The following PPARGC1A variants were observed in gnomAD, a reference collection of about 807,000 sequenced individuals.
PPARGC1A encodes the protein PPARG coactivator 1 alpha.
Under a neutral mutation model 88.7 loss-of-function variants are expected in PPARGC1A, and 25 were observed. The observed-to-expected ratio is 0.28, with a 90% confidence interval of 0.21 to 0.39. The LOEUF is 0.39. PPARGC1A is among the 10% of genes least tolerant of loss of function. The pLI, the probability that PPARGC1A is intolerant of heterozygous loss-of-function variation, is 1.00. For synonymous variants in PPARGC1A, 363 were observed against 355.6 expected (o/e 1.02, Z -0.24); for missense variants, 880 against 968.7 (o/e 0.91, Z 1.22).
At chr4:24,296,639 T>C in the PPARGC1A span, among the ~76,000 whole-genome samples, 2 of 152,168 alleles carry the variant, frequency 1.3e-5, no homozygotes, top group Non-Finnish European at 2.9e-5. Flanking sequence ...ACTGTGTGTA[T>C]CTATGATGCA....
the PPARGC1A span, among the ~76,000 whole-genome samples, chr4:24,010,075 G>T: frequency 6.6e-6 from 1 of 152,172 alleles, no homozygotes; most frequent in Non-Finnish European, 1.5e-5. Flanking sequence ...GGCTACATTG[G>T]TTCGGAAAGT....
At chr4:24,436,839 A>G in the PPARGC1A span, among the ~76,000 whole-genome samples, 64 of 148,292 alleles carry the variant, frequency 4.3e-4, no homozygotes, top group African/African-American at 4.8e-4. Context: ...GCTGACATCG[A>G]TTGGCCACCC....
chr4:24,109,004 ACACACACACACACAC>A, the PPARGC1A span, among the ~76,000 whole-genome samples: 8 of 150,450 alleles, frequency 5.3e-5, no homozygotes, highest in East Asian at 2.0e-4. Context: ...AATCACACAC[ACACACACACACACAC>A]CACACACACA....
At chr4:24,458,323 AACCCCATCTCCAC>A in the PPARGC1A span, among the ~76,000 whole-genome samples, 1 of 152,092 alleles carries the variant, frequency 6.6e-6, no homozygotes, top group East Asian at 1.9e-4. Context: ...AACATGGCGA[AACCCCATCTCCAC>A]AAAAAAATAC....
the PPARGC1A span, among the ~76,000 whole-genome samples, chr4:24,205,339 A>G: frequency 1.3e-5 from 2 of 152,036 alleles, no homozygotes; most frequent in Non-Finnish European, 2.9e-5. Flanking sequence ...CTCAATATAT[A>G]CTTTTTCGAT....
At chr4:24,064,166 T>C in the PPARGC1A span, among the ~76,000 whole-genome samples, 1 of 152,320 alleles carries the variant, frequency 6.6e-6, no homozygotes, top group African/African-American at 2.4e-5. Context: ...TGAAGCTGGT[T>C]TTGTTTTAGG....
the PPARGC1A span, among the ~76,000 whole-genome samples, chr4:24,441,959 T>C: frequency 1.3e-5 from 2 of 152,260 alleles, no homozygotes; most frequent in East Asian, 3.8e-4. Context: ...TAGGCCGAGT[T>C]GTGACATTTA....
intron 2 of PPARGC1A, 106 bp from the exon 3 acceptor site, chr4:23,831,857 A>G (rs1260375927): frequency 4.5e-6 from 4 of 879,790 alleles, no homozygotes; most frequent in Admixed American, 2.0e-5. Context: ...TGAAATCTAG[A>G]ATGCCCATTC....
At chr4:24,387,580 TG>T in the PPARGC1A span, among the ~76,000 whole-genome samples, 4 of 151,698 alleles carry the variant, frequency 2.6e-5, no homozygotes, top group African/African-American at 9.7e-5. Context: ...AAAAATTAGC[TG>T]AGCATGGTAG....
the PPARGC1A span, among the ~76,000 whole-genome samples, chr4:24,297,332 T>C: frequency 6.6e-6 from 1 of 152,130 alleles, no homozygotes; most frequent in African/African-American, 2.4e-5. Context: ...TCCTCTTCCA[T>C]AAAGTCCATA....
chr4:24,375,202 C>T, the PPARGC1A span, among the ~76,000 whole-genome samples: 9 of 152,012 alleles, frequency 5.9e-5, no homozygotes, highest in African/African-American at 2.2e-4. Flanking sequence ...AAAGGAAAAT[C>T]AGGTTGAGTT....
At chr4:24,394,672 G>A in the PPARGC1A span, among the ~76,000 whole-genome samples, 368 of 152,238 alleles carry the variant, frequency 2.4e-3, 4 homozygotes, top group African/African-American at 8.3e-3. Flanking sequence ...ATACTGCTCC[G>A]TCCTTTACAT....
the PPARGC1A span, among the ~76,000 whole-genome samples, chr4:24,430,844 G>A: frequency 5.9e-5 from 9 of 152,098 alleles, no homozygotes; most frequent in African/African-American, 1.9e-4. Context: ...GGGGCCGGGC[G>A]CGGGGGCTCA....
chr4:23,918,207 T>C, the PPARGC1A span, among the ~76,000 whole-genome samples: 3 of 150,586 alleles, frequency 2.0e-5, no homozygotes, highest in Non-Finnish European at 4.4e-5. Context: ...ACAACAAAAA[T>C]AATTTAAATT....
At chr4:24,233,585 TAC>T in the PPARGC1A span, among the ~76,000 whole-genome samples, 3,715 of 149,268 alleles carry the variant, frequency 0.025, 106 homozygotes, top group African/African-American at 0.077. Flanking sequence ...CACAAACACA[TAC>T]ACACACACAC....
the PPARGC1A span, among the ~76,000 whole-genome samples, chr4:24,453,780 C>CA: frequency 0.024 from 3,471 of 144,398 alleles, 55 homozygotes; most frequent in Non-Finnish European, 0.038. Flanking sequence ...AACTCTGTCT[C>CA]AAAAAAAAAA....
chr4:24,233,971 C>T, the PPARGC1A span, among the ~76,000 whole-genome samples: 2 of 152,192 alleles, frequency 1.3e-5, no homozygotes, highest in African/African-American at 4.8e-5. Context: ...ATACACAGAA[C>T]ACAATGAATG....
chr4:24,453,224 T>G, the PPARGC1A span, among the ~76,000 whole-genome samples: 4 of 152,338 alleles, frequency 2.6e-5, no homozygotes, highest in South Asian at 2.1e-4. Context: ...CACCTTGATC[T>G]CAGACTTTCA....
the PPARGC1A span, among the ~76,000 whole-genome samples, chr4:23,926,345 G>C: frequency 6.6e-6 from 1 of 152,140 alleles, no homozygotes; most frequent in East Asian, 1.9e-4. Context: ...TTGAAAAGAA[G>C]TAACCCAATC....
Sources: gnomAD v4.1 joint callset for allele counts (sites outside exome capture counted in the v4.1 genomes callset) on GRCh38, gnomAD v4.1.1 for gene constraint, MANE v1.5 for transcripts, NCBI Gene and HGNC (gene_info 2026-07-23, HGNC 2026-07-21) for gene names.